The following FOXP2 variants were observed in gnomAD, a reference collection of about 807,000 sequenced individuals.
The protein encoded by FOXP2 is forkhead box P2.
A neutral mutation model predicts 115.8 loss-of-function variants in FOXP2; 12 were observed. The observed-to-expected ratio is 0.10, with a 90% CI of 0.07 to 0.17. The LOEUF (loss-of-function observed/expected upper bound fraction) is 0.17, where lower values mean the gene tolerates loss of function less well. FOXP2 is among the 10% of genes least tolerant of loss of function. The pLI, the probability that FOXP2 is intolerant of heterozygous loss-of-function variation, is 1.00. For synonymous variants in FOXP2, 328 were observed against 297.7 expected (o/e 1.10, Z -1.05); for missense variants, 629 against 843.5 (o/e 0.75, Z 3.15).
intron 2 of FOXP2, among the ~76,000 whole-genome samples, chr7:114,396,933 T>A (rs949379481): frequency 6.6e-6 from 1 of 152,150 alleles, no homozygotes; most frequent in African/African-American, 2.4e-5. Flanking sequence ...CAAAACATCA[T>A]GTCATACATG....
At chr7:114,659,223 T>A in intron 11 of FOXP2, 133 bp from the exon 12 acceptor site, 1 of 709,728 alleles carries the variant, frequency 1.4e-6, no homozygotes, top group Non-Finnish European at 2.5e-6. Context: ...AATTCCACTG[T>A]CATGCTTTGT....
At chr7:114,499,864 G>T (rs1186158667) in intron 2 of FOXP2, 1 of 151,972 alleles carries the variant, frequency 6.6e-6, no homozygotes, top group African/African-American at 2.4e-5. Context: ...ACCAAATTTT[G>T]CCAGGAAATA....
At chr7:114,468,008 G>A (rs990964213) in intron 2 of FOXP2, among the ~76,000 whole-genome samples, 4 of 152,024 alleles carry the variant, frequency 2.6e-5, no homozygotes, top group South Asian at 4.1e-4. Flanking sequence ...CTGTTCTTCT[G>A]CAATGCTTCA....
At chr7:114,168,135 T>C (rs1240729827) in intron 1 of FOXP2, among the ~76,000 whole-genome samples, 1 of 152,024 alleles carries the variant, frequency 6.6e-6, no homozygotes, top group Non-Finnish European at 1.5e-5. Flanking sequence ...ATGAGCAGTG[T>C]GAAAATGGAC....
chr7:114,145,668 T>G (rs1244794346), intron 1 of FOXP2, among the ~76,000 whole-genome samples: 1 of 151,936 alleles, frequency 6.6e-6, no homozygotes, highest in Non-Finnish European at 1.5e-5. Context: ...TTCTACAGTT[T>G]TACTGAAGAA....
chr7:114,487,518 G>T (rs1796850699), intron 2 of FOXP2, among the ~76,000 whole-genome samples: 1 of 152,152 alleles, frequency 6.6e-6, no homozygotes, highest in Non-Finnish European at 1.5e-5. Flanking sequence ...AACTTCTGCT[G>T]CCAGCTTGAA....
At chr7:114,389,662 T>G (rs1792538953) in intron 2 of FOXP2, among the ~76,000 whole-genome samples, 1 of 152,126 alleles carries the variant, frequency 6.6e-6, no homozygotes, top group Admixed American at 6.5e-5. Flanking sequence ...TAGATGAAAT[T>G]TCAAAGTGGA....
intron 1 of FOXP2, among the ~76,000 whole-genome samples, chr7:114,157,509 G>A (rs562536939): frequency 1.4e-4 from 22 of 152,228 alleles, no homozygotes; most frequent in African/African-American, 5.3e-4. Context: ...ATTCTAGAAT[G>A]TAGAGATAAG....
At chr7:114,252,594 C>T (rs375863586) in intron 1 of FOXP2, among the ~76,000 whole-genome samples, 6 of 152,042 alleles carry the variant, frequency 3.9e-5, no homozygotes, top group East Asian at 1.9e-4. Context: ...GTGTTTATAG[C>T]ATTCTCTGAT....
intron 3 of FOXP2, among the ~76,000 whole-genome samples, chr7:114,558,459 C>G (rs555505449): frequency 1.3e-5 from 2 of 152,184 alleles, no homozygotes; most frequent in East Asian, 3.9e-4. Flanking sequence ...AGCCACTTTG[C>G]TTTATATGGG....
chr7:114,379,060 T>C (rs1336885036), intron 2 of FOXP2, among the ~76,000 whole-genome samples: 1 of 152,092 alleles, frequency 6.6e-6, no homozygotes, highest in East Asian at 1.9e-4. Flanking sequence ...TATAGGCTTC[T>C]TATTTATTTA....
intron 6 of FOXP2, among the ~76,000 whole-genome samples, chr7:114,641,604 G>A (rs1053372761): frequency 6.6e-6 from 1 of 151,776 alleles, no homozygotes; most frequent in Non-Finnish European, 1.5e-5. Context: ...TTTTTGAGTT[G>A]AGTGTTCACT....
At chr7:114,257,899 G>C (rs928720298) in intron 1 of FOXP2, among the ~76,000 whole-genome samples, 3 of 152,176 alleles carry the variant, frequency 2.0e-5, no homozygotes, top group Non-Finnish European at 4.4e-5. Context: ...AGAACAACAA[G>C]GAGGCCAGGG....
intron 10 of FOXP2, among the ~76,000 whole-genome samples, 157 bp from the exon 11 acceptor site, chr7:114,657,909 A>G (rs535765301): frequency 6.6e-6 from 1 of 152,272 alleles, no homozygotes; most frequent in Non-Finnish European, 1.5e-5. Context: ...TTATGATACA[A>G]TTTCATCCTG....
At chr7:114,159,509 A>AAAG (rs1554423991), upstream of FOXP2, among the ~76,000 whole-genome samples, 3 of 151,786 alleles carry the variant, frequency 2.0e-5, no homozygotes, top group East Asian at 5.8e-4. Flanking sequence ...AAAGAAAAAA[A>AAAG]CAGTAATTTA....
Position 114,551,698 on chromosome 7 carries a change from AAG to A in FOXP2, c.258+17000_258+17001del, listed in dbSNP as rs201334196. ...AGGGTTACCAGATATTTTTTAAAAA[AAG>A]AGAGAGAAAAATGTAGAAAAGTATT... On this transcript the variant is annotated intron_variant, in intron 3 of 16. Transcript: ENST00000350908. 1.6e-3 allele frequency among the ~76,000 whole-genome samples: 234 copies of A among 149,722 alleles called. 1 individual carries two copies. Among genetic ancestry groups the A allele is most frequent in the Non-Finnish European group, 2.4e-3 (162 of 68,014 alleles).
chr7:114,526,889 T>C (rs1034971360), intron 2 of FOXP2, among the ~76,000 whole-genome samples: 3 of 152,140 alleles, frequency 2.0e-5, no homozygotes, highest in Non-Finnish European at 4.4e-5. Flanking sequence ...ATCACCACTG[T>C]TTAATTCCAG....
In FOXP2 at chr7:114,534,631, A is replaced by C. The variant is rs747126499; in HGVS notation, c.183A>C (p.Ala61=). ...HLQQQQALQA[A]RQLLLQQQTS... is the part of the protein sequence containing the mutation. ...TTTACTTCTAGGCTCTCCAGGCAGC[A>C]AGACAACTTCTTTTACAGCAGCAAA... The change falls in exon 3 of 17, where the codon GCA becomes GCC. Residue 61 remains alanine, a synonymous_variant. Transcript: ENST00000350908. The C allele has an allele frequency of 3.7e-6, 6 of 1,611,940 alleles. 1 individual carries two copies. The South Asian group carries it at 6.6e-5, about 18-fold the overall frequency.
chr7:114,277,843 CG>C (rs963915685), intron 1 of FOXP2, among the ~76,000 whole-genome samples: 122 of 151,064 alleles, frequency 8.1e-4, no homozygotes, highest in Non-Finnish European at 2.8e-4. Flanking sequence ...GGTGAAACCC[CG>C]TCTCTACTAA....
Sources: gnomAD v4.1 joint callset for allele counts (sites outside exome capture counted in the v4.1 genomes callset) on GRCh38, gnomAD v4.1.1 for gene constraint, MANE v1.5 for transcripts, NCBI Gene and HGNC (gene_info 2026-07-23, HGNC 2026-07-21) for gene names.